The following MSI2 variants were observed in gnomAD, a reference collection of about 807,000 sequenced individuals.
The protein encoded by MSI2 is RNA-binding protein Musashi homolog 2.
Under a neutral mutation model 45.6 loss-of-function variants are expected in MSI2, and 17 were observed. The observed-to-expected ratio is 0.37, with a 90% CI of 0.26 to 0.56. The LOEUF is 0.56. Among genes scored for constraint, MSI2 ranks in the 20% least tolerant of loss-of-function variants. MSI2 has a pLI of 0.77. For missense variants in MSI2, 293 were observed against 444.2 expected (o/e 0.66, Z 3.06); for synonymous variants, 156 against 158.2 (o/e 0.99, Z 0.11).
chr17:57,612,345 C>T (rs1907257341), intron 8 of MSI2, among the ~76,000 whole-genome samples: 1 of 93,938 alleles, frequency 1.1e-5, no homozygotes, highest in Admixed American at 1.1e-4. Flanking sequence ...TGAGTTCCTC[C>T]GCATCTGCGT....
intron 6 of MSI2, among the ~76,000 whole-genome samples, chr17:57,493,133 C>T (rs1472985219): frequency 2.0e-5 from 3 of 152,218 alleles, no homozygotes; most frequent in Non-Finnish European, 2.9e-5. Flanking sequence ...TTCTGAGCTC[C>T]GGCCAGCAGG....
intron 8 of MSI2, among the ~76,000 whole-genome samples, chr17:57,602,993 A>G (rs1398164247): frequency 6.6e-6 from 1 of 152,198 alleles, no homozygotes; most frequent in East Asian, 1.9e-4. Context: ...TGGGTCATAA[A>G]TTGCCCAGCC....
At chr17:57,344,866 C>T (rs761378842) in intron 5 of MSI2, among the ~76,000 whole-genome samples, 1 of 152,142 alleles carries the variant, frequency 6.6e-6, no homozygotes, top group Non-Finnish European at 1.5e-5. Context: ...AGTTCGAGAC[C>T]AGCCTGACCA....
chr17:57,422,834 CA>C (rs1302416644), intron 6 of MSI2, among the ~76,000 whole-genome samples: 1 of 152,158 alleles, frequency 6.6e-6, no homozygotes, highest in Non-Finnish European at 1.5e-5. Context: ...GTAATTTTGG[CA>C]AGGTGTTATT....
At chr17:57,292,127 A>G (rs112269885) in intron 5 of MSI2, among the ~76,000 whole-genome samples, 19 of 151,532 alleles carry the variant, frequency 1.3e-4, no homozygotes, top group African/African-American at 4.6e-4. Flanking sequence ...GGTCCAGTGG[A>G]TTGGGGGCTA....
At chr17:57,282,647 G>A (rs1207630785) in intron 5 of MSI2, among the ~76,000 whole-genome samples, 1 of 152,130 alleles carries the variant, frequency 6.6e-6, no homozygotes, top group Non-Finnish European at 1.5e-5. Flanking sequence ...GGTAGGGGTG[G>A]ATAGGGGAGA....
At chr17:57,565,860 A>C in intron 7 of MSI2, 1 of 152,186 alleles carries the variant, frequency 6.6e-6, no homozygotes, top group East Asian at 1.9e-4. Flanking sequence ...GGTTGGGTGA[A>C]AATTGGCTGT....
chr17:57,574,984 C>A (rs1005374721), intron 7 of MSI2, among the ~76,000 whole-genome samples: 2 of 152,158 alleles, frequency 1.3e-5, no homozygotes, highest in African/African-American at 4.8e-5. Context: ...GTGCCCACCA[C>A]CACGCCCGGC....
chr17:57,456,249 A>T (rs2085112024), intron 6 of MSI2, among the ~76,000 whole-genome samples: 1 of 152,238 alleles, frequency 6.6e-6, no homozygotes, highest in Non-Finnish European at 1.5e-5. Context: ...AGAAGGGATG[A>T]GTCCAGGGCA....
intron 6 of MSI2, chr17:57,523,050 CTTTT>C (rs34090162): frequency 2.8e-5 from 4 of 141,398 alleles, no homozygotes; most frequent in Non-Finnish European, 3.1e-5. Flanking sequence ...GCATTGTGTC[CTTTT>C]TTTTTTTTTT....
chr17:57,691,635 A>T, the MSI2 span, among the ~76,000 whole-genome samples: 1 of 152,192 alleles, frequency 6.6e-6, no homozygotes, highest in African/African-American at 2.4e-5. Context: ...AAAATTTTTT[A>T]AATTCCAATT....
chr17:57,670,964 T>G (rs1270778064), intron 11 of MSI2, among the ~76,000 whole-genome samples: 1 of 152,168 alleles, frequency 6.6e-6, no homozygotes, highest in African/African-American at 2.4e-5. Flanking sequence ...TGTGAGTGGC[T>G]TCTTAGCCCA....
Position 57,413,905 on chromosome 17 carries a change from A to G in MSI2, c.405+12434A>G, listed in dbSNP as rs994005288. Among the ~76,000 whole-genome samples the G allele has an allele frequency of 3.9e-5, 6 of 151,964 alleles. No homozygotes were observed. The South Asian group carries it at 8.3e-4, about 21-fold the overall frequency. Reference sequence around the variant, plus strand: ...AGGCATTGCATCTACAGCCTCACGCATCATTCATTTGTTCATTGATTCATT... The same window carrying G: ...AGGCATTGCATCTACAGCCTCACGCGTCATTCATTTGTTCATTGATTCATT... On this transcript the variant is annotated intron_variant, in intron 6 of 13. Transcript: ENST00000284073.
At chr17:57,535,057 G>C (rs1334823079) in intron 7 of MSI2, among the ~76,000 whole-genome samples, 1 of 152,252 alleles carries the variant, frequency 6.6e-6, no homozygotes, top group African/African-American at 2.4e-5. Flanking sequence ...CTTCCAGTTT[G>C]CTCTGTTGTT....
At chr17:57,285,281 G>A (rs1480073121) in intron 5 of MSI2, among the ~76,000 whole-genome samples, 1 of 152,136 alleles carries the variant, frequency 6.6e-6, no homozygotes, top group Non-Finnish European at 1.5e-5. Flanking sequence ...TCCCCTGCTA[G>A]GAAGAAAGCC....
chr17:57,446,279 A>G (rs2084899001), intron 6 of MSI2, among the ~76,000 whole-genome samples: 1 of 152,084 alleles, frequency 6.6e-6, no homozygotes, highest in African/African-American at 2.4e-5. Context: ...GAGCTTTGTG[A>G]CTTCAGGGAA....
At position 57,665,429 on chromosome 17, in the gene MSI2, T is replaced by C. The variant is rs911297534; in HGVS notation, c.791-9543T>C. Among the ~76,000 whole-genome samples, 75 of 152,352 alleles carry C rather than the reference T, an allele frequency of 4.9e-4. 1 individual carries two copies. The highest frequency in any genetic ancestry group is 1.8e-3 in the African/African-American group (73 of 41,578). On this transcript the variant is annotated intron_variant, in intron 11 of 13. Coordinates refer to ENST00000284073, the MANE Select transcript of MSI2 (RefSeq NM_138962.4). ...GCTGAATGGCTCTGTGCTTGGCTAA[T>C]TAGTGACATGTATGCGCCTGCTTTG...
At chr17:57,355,377 A>G (rs1598161824) in intron 5 of MSI2, among the ~76,000 whole-genome samples, 2 of 152,210 alleles carry the variant, frequency 1.3e-5, no homozygotes, top group Non-Finnish European at 2.9e-5. Flanking sequence ...CCCTTGGACC[A>G]GTCTGTGATG....
chr17:57,547,053 G>T (rs1404664472), intron 7 of MSI2, among the ~76,000 whole-genome samples: 1 of 152,230 alleles, frequency 6.6e-6, no homozygotes, highest in Non-Finnish European at 1.5e-5. Flanking sequence ...GCTGGGAGTG[G>T]CCTCCCTGAG....
Sources: allele counts gnomAD v4.1 joint callset (sites outside exome capture counted in the v4.1 genomes callset), GRCh38; gene constraint gnomAD v4.1.1; transcripts MANE v1.5; gene names NCBI Gene and HGNC (gene_info 2026-07-23, HGNC 2026-07-21).